The following SLC27A1 variants were observed in gnomAD, a reference collection of about 807,000 sequenced individuals.
The protein encoded by SLC27A1 is solute carrier family 27 member 1.
Under a neutral mutation model 62.2 loss-of-function variants are expected in SLC27A1, and 61 were observed. The observed-to-expected ratio is 0.98, with a 90% CI of 0.80 to 1.21. SLC27A1 has a LOEUF of 1.21. SLC27A1 is among the 50% of genes most tolerant of loss of function. The pLI is 0.00. For missense variants in SLC27A1, 903 were observed against 932.1 expected (o/e 0.97, Z 0.41); for synonymous variants, 435 against 408.6 (o/e 1.06, Z -0.78).
At chr19:17,502,010 G>GA in intron 11 of SLC27A1, among the ~76,000 whole-genome samples, 1 of 151,492 alleles carries the variant, frequency 6.6e-6, no homozygotes, top group South Asian at 2.1e-4. Flanking sequence ...CAGCTACTCA[G>GA]GAGGCTGAGG....
At chr19:17,489,228 C>G (rs1248438009) in intron 6 of SLC27A1, 111 bp downstream of exon 6, 36 of 851,136 alleles carry the variant, frequency 4.2e-5, no homozygotes, top group Non-Finnish European at 6.5e-5. Flanking sequence ...CCAGCAAAGC[C>G]CCACCTCCTC....
rs559904875 is a variant in SLC27A1, at chr19:17,501,290, G to C, written c.1654G>C (p.Gly552Arg). 2.5e-6 allele frequency: 4 copies of C among 1,613,626 alleles called. No homozygotes were observed. The highest frequency in any genetic ancestry group is 2.5e-6 in the Non-Finnish European group (3 of 1,179,978). ...GCCTCCAGGAGTGGAGGGTAAGGCA[G>C]GGATGGCGGCCGTCGCAGACCCCCA... ...VAVPGVEGKA[G>R]MAAVADPHSL... Residue 552 changes from glycine (G) to arginine (R), a missense_variant, in exon 11 of 12, where the codon GGG (glycine) becomes CGG (arginine). Coordinates refer to ENST00000252595, the MANE Select transcript of SLC27A1 (RefSeq NM_198580.3).
intron 1 of SLC27A1, among the ~76,000 whole-genome samples, chr19:17,477,280 T>C (rs1312794016): frequency 8.6e-6 from 1 of 116,122 alleles, no homozygotes; most frequent in African/African-American, 3.2e-5. Flanking sequence ...TGAATCTTGC[T>C]CGATTGCCCA....
chr19:17,495,235 A>G (rs1333718637), intron 6 of SLC27A1, among the ~76,000 whole-genome samples: 1 of 151,290 alleles, frequency 6.6e-6, no homozygotes, highest in Admixed American at 6.6e-5. Flanking sequence ...TCGGCCCCCC[A>G]AAGTGCTGGG....
intron 1 of SLC27A1, among the ~76,000 whole-genome samples, chr19:17,476,213 G>A (rs1331400403): frequency 2.6e-5 from 4 of 152,096 alleles, no homozygotes; most frequent in African/African-American, 9.7e-5. Flanking sequence ...TCACCCACAG[G>A]AAGCCCTTAG....
In SLC27A1 at chr19:17,500,357, T is replaced by G; in HGVS notation, c.1286T>G (p.Met429Arg). 2 of 1,614,150 alleles carry G rather than the reference T, an allele frequency of 1.2e-6. No homozygotes were observed. Among genetic ancestry groups the G allele is most frequent in the Non-Finnish European group, 1.7e-6 (2 of 1,180,014 alleles). The change falls in exon 8 of 12, where the codon ATG becomes AGG. Residue 429 changes from methionine (M) to arginine (R), a missense_variant. Coordinates refer to ENST00000252595, the MANE Select transcript of SLC27A1 (RefSeq NM_198580.3). ...CTGGTGAAGGTCAATGAGGACACAA[T>G]GGAGCTGCTGCGGGATGCCCAGGGC... ...IRLVKVNEDT[M>R]ELLRDAQGLC...
intron 7 of SLC27A1, 28 bp downstream of exon 7, chr19:17,497,492 G>A: frequency 6.3e-7 from 1 of 1,578,624 alleles, no homozygotes; most frequent in Non-Finnish European, 8.6e-7. Context: ...CCCGGGGCAG[G>A]TCTCGGAGTT....
chr19:17,486,565 G>C lies in SLC27A1; in HGVS notation c.170G>C (p.Gly57Ala). 6.3e-7 allele frequency: 1 copy of C among 1,579,028 alleles called. No homozygotes were observed. The highest frequency in any genetic ancestry group is 8.5e-7 in the Non-Finnish European group (1 of 1,169,796). The change falls in exon 2 of 12, where the codon GGT becomes GCT. Residue 57 changes from glycine to alanine, a missense_variant and splice_region_variant. By Grantham distance (60) the Gly-to-Ala change is moderately conservative. Transcript: ENST00000252595. This position sits in a 1 kb window ranked among gnomAD's most constrained non-coding sequence, Gnocchi z 6.6. Reference protein sequence around the residue: ...VCKTARRDLFGLSVLIRVRLE... With the variant: ...VCKTARRDLFALSVLIRVRLE... ...GTCCCCTCCGTCCTCCCTCCCAGCG[G>C]TCTCTCTGTGCTGATCCGCGTGCGC...
chr19:17,490,641 T>C (rs907272167), intron 6 of SLC27A1, among the ~76,000 whole-genome samples: 2 of 152,140 alleles, frequency 1.3e-5, no homozygotes, highest in Non-Finnish European at 2.9e-5. Flanking sequence ...GACGGCATCA[T>C]GTTTCCTGTG....
At position 17,477,240 on chromosome 19, in the gene SLC27A1, C is replaced by T. The variant is rs1181501298; in HGVS notation, c.167+6533C>T. ...TTATTGGTTGAATGGATGAGCAGCG[C>T]TTTTTTTTTTTTTTTTTTTTTTTTG... is the stretch of plus-strand genomic sequence containing the variant. On this transcript the variant is annotated intron_variant, in intron 1 of 11. Transcript: ENST00000252595. Among the ~76,000 whole-genome samples the T allele has an allele frequency of 1.8e-3, 80 of 43,814 alleles. 1 individual carries two copies. Among genetic ancestry groups the T allele is most frequent in the Non-Finnish European group, 2.1e-3 (53 of 24,864 alleles). 28.7% of individuals were successfully genotyped at this position (43,814 alleles called of 152,430 possible). A position where few individuals can be genotyped will look rare whatever the true frequency, so the allele number is the denominator to read the frequency against.
At chr19:17,472,191 A>G (rs560031742) in intron 1 of SLC27A1, among the ~76,000 whole-genome samples, 106 of 152,194 alleles carry the variant, frequency 7.0e-4, no homozygotes, top group Non-Finnish European at 1.4e-3. Flanking sequence ...TCAGGAGATC[A>G]AAACCATCCT....
chr19:17,475,285 A>G (rs1226240494), intron 1 of SLC27A1, among the ~76,000 whole-genome samples: 1 of 152,144 alleles, frequency 6.6e-6, no homozygotes, highest in African/African-American at 2.4e-5. Flanking sequence ...TCGTGCATAT[A>G]ATTCCAGCAC....
At position 17,484,929 on chromosome 19, in the gene SLC27A1, CAG is replaced by C. The variant is rs139217599; in HGVS notation, c.168-1633_168-1632del. ...AGGCAGTGGCCGGGCCAGGCTGAAA[CAG>C]GGGCAGGTGGGTGGAGCCCCTGCCC... On this transcript the variant is annotated intron_variant, in intron 1 of 11. Transcript: ENST00000252595. 5.7e-3 allele frequency among the ~76,000 whole-genome samples: 870 copies of C among 152,216 alleles called. 7 individuals carry two copies. Among genetic ancestry groups the C allele is most frequent in the African/African-American group, 0.02 (819 of 41,546 alleles).
chr19:17,487,124 G>C, intron 2 of SLC27A1, 50 bp from the exon 3 acceptor site: 1 of 1,611,406 alleles, frequency 6.2e-7, no homozygotes, highest in South Asian at 1.1e-5. Context: ...CCAGGCCTCG[G>C]GAGGGGGCCT....
In SLC27A1 at chr19:17,497,232, C is replaced by T. The variant is rs761377001; in HGVS notation, c.997-23C>T. The T allele has an allele frequency of 9.6e-6, 15 of 1,570,462 alleles. No individual in the cohort carries two copies. The African/African-American group carries it at 1.1e-4, about 12-fold the overall frequency. ...CCCACCGCCTGCCGGTCCCATCACC[C>T]ACTTCCTCACCCCGTCCCCCAGGTG... On this transcript the variant is annotated intron_variant, in intron 6 of 11. Coordinates refer to ENST00000252595, the MANE Select transcript of SLC27A1 (RefSeq NM_198580.3).
At chr19:17,488,768 T>A (rs1482245243) in intron 4 of SLC27A1, 80 bp from the exon 5 acceptor site, 2 of 1,315,946 alleles carry the variant, frequency 1.5e-6, no homozygotes, top group East Asian at 2.5e-5. Flanking sequence ...TGGGTCCACA[T>A]GCAGCATGCT....
chr19:17,476,068 G>C (rs2075118882), intron 1 of SLC27A1, among the ~76,000 whole-genome samples: 1 of 152,190 alleles, frequency 6.6e-6, no homozygotes, highest in Admixed American at 6.6e-5. Flanking sequence ...CCTGTTTCTT[G>C]TTGTTGTGTT....
intron 6 of SLC27A1, among the ~76,000 whole-genome samples, chr19:17,493,427 CAA>C (rs769247313): frequency 4.1e-3 from 297 of 71,970 alleles, no homozygotes; most frequent in African/African-American, 0.016. Flanking sequence ...AACTCCATCT[CAA>C]AAAAAAAAAA....
rs1191734202 is a variant in SLC27A1 at position 17,486,826 on chromosome 19, T to C, written c.431T>C (p.Leu144Pro). Residue 144 changes from leucine (L) to proline (P), a missense_variant, in exon 2 of 12, where the codon CTG (leucine) becomes CCG (proline). Coordinates refer to ENST00000252595, the MANE Select transcript of SLC27A1 (RefSeq NM_198580.3). The surrounding 1 kb of genome is among the most constrained non-coding windows in gnomAD (Gnocchi z 6.6). ...GAGGGCCGGCCGGAGTTCGTGGGGC[T>C]GTGGCTGGGCCTGGCCAAGGCGGGC... ...FLEGRPEFVG[L>P]WLGLAKAGME... The C allele has an allele frequency of 3.8e-6, 6 of 1,593,284 alleles. No individual in the cohort carries two copies. Among genetic ancestry groups the C allele is most frequent in the Admixed American group, 1.7e-5 (1 of 58,144 alleles).
Sources: gnomAD v4.1 joint callset for allele counts (sites outside exome capture counted in the v4.1 genomes callset) on GRCh38, gnomAD v4.1.1 for gene constraint, Gnocchi (gnomAD v3.1) non-coding constraint, MANE v1.5 for transcripts, NCBI Gene and HGNC (gene_info 2026-07-23, HGNC 2026-07-21) for gene names.